Variants in STAM2 observed in about 807,000 individuals in gnomAD.
STAM2 encodes the protein signal transducing adaptor molecule 2.
Under a neutral mutation model 65.6 loss-of-function variants are expected in STAM2, and 51 were observed. The observed-to-expected ratio is 0.78, with a 90% CI of 0.62 to 0.98. The LOEUF (loss-of-function observed/expected upper bound fraction) is 0.98, where lower values mean the gene tolerates loss of function less well. Ranked by LOEUF, STAM2 falls within the 50% of genes least tolerant of loss-of-function variation. The probability of loss-of-function intolerance (pLI) is 0.00; values close to 1 mark genes in which losing one functional copy is unlikely to be tolerated. For synonymous variants in STAM2, 198 were observed against 208.4 expected, an observed-to-expected ratio of 0.95 and a Z score of 0.43; for missense variants, 584 against 617.8, an observed-to-expected ratio of 0.95 and a Z score of 0.58.
At chr2:152,131,085 AAAGAG>A (rs1344019791) in intron 11 of STAM2, among the ~76,000 whole-genome samples, 1 of 152,152 alleles carries the variant, frequency 6.6e-6, no homozygotes, top group Admixed American at 6.5e-5. Flanking sequence ...CAAGAAATGA[AAAGAG>A]AAGGTGTGAT....
At chr2:152,175,113 G>A (rs1402023591) in intron 1 of STAM2, among the ~76,000 whole-genome samples, 1 of 152,164 alleles carries the variant, frequency 6.6e-6, no homozygotes, top group East Asian at 1.9e-4. Context: ...TTGAATGCAT[G>A]AGTAATATAA....
chr2:152,134,724 C>T (rs1689123439), intron 8 of STAM2, among the ~76,000 whole-genome samples: 2 of 152,174 alleles, frequency 1.3e-5, no homozygotes, highest in Admixed American at 6.5e-5. Flanking sequence ...AAGTAGCTAT[C>T]TCACAGAACC....
chr2:152,124,143 C>G (rs1420681067), intron 12 of STAM2: 1 of 522,044 alleles, frequency 1.9e-6, no homozygotes, highest in Admixed American at 3.4e-5. Context: ...TTTGGCTGTT[C>G]TTTTATTTTT....
At chr2:152,143,564 C>T (rs1230772658) in intron 7 of STAM2, among the ~76,000 whole-genome samples, 7 of 152,180 alleles carry the variant, frequency 4.6e-5, no homozygotes, top group Admixed American at 4.6e-4. Context: ...TGAGTATTTA[C>T]ATGTTTCCCA....
chr2:152,131,589 T>C (rs116433124), intron 11 of STAM2: 2,894 of 156,478 alleles, frequency 0.018, 96 homozygotes, highest in African/African-American at 0.066. Flanking sequence ...GTGGAGTTGA[T>C]TAACTCTAGG....
In STAM2 at chr2:152,175,630, T is replaced by C; in HGVS notation, c.13A>G (p.Thr5Ala). Reference sequence around the variant, plus strand: ...ACGTCTTGCTCGAAGGGGTTGGCGGTGAACAAAGGCATCTCGCCGGCGCCC... The same window carrying C: ...ACGTCTTGCTCGAAGGGGTTGGCGGCGAACAAAGGCATCTCGCCGGCGCCC... MPLF[T>A]ANPFEQDVEK... is the part of the protein sequence containing the mutation. The change falls in exon 1 of 14, where the codon ACC (threonine) becomes GCC (alanine). Residue 5 changes from threonine to alanine, a missense_variant. Thr to Ala is a moderately conservative substitution (Grantham distance 58). Transcript: ENST00000263904. The C allele has an allele frequency of 1.9e-6, 3 of 1,613,752 alleles. No homozygotes were observed. The highest frequency in any genetic ancestry group is 2.5e-6 in the Non-Finnish European group (3 of 1,179,886).
In STAM2 at chr2:152,161,056, G is replaced by A. The variant is rs190715472; in HGVS notation, c.41-10827C>T. Among the ~76,000 whole-genome samples the A allele has an allele frequency of 2.0e-5, 3 of 152,352 alleles. No homozygotes were observed. The South Asian group carries it at 6.2e-4, about 32-fold the overall frequency. On this transcript the variant is annotated intron_variant, in intron 1 of 13. Transcript: ENST00000263904. ...CGGTGGCGGTTTTGTGGAATAGAAGGGGGGGAAAGGTGGGGAAAAGATTGA... is the reference window on the plus strand; with the variant it reads ...CGGTGGCGGTTTTGTGGAATAGAAGAGGGGGAAAGGTGGGGAAAAGATTGA...
At chr2:152,151,650 T>C (rs1418095928) in intron 1 of STAM2, among the ~76,000 whole-genome samples, 1 of 152,200 alleles carries the variant, frequency 6.6e-6, no homozygotes. Context: ...TCCATACCCA[T>C]TGGCAGTCAC....
intron 1 of STAM2, among the ~76,000 whole-genome samples, chr2:152,164,341 CTTTT>C (rs1195012082): frequency 2.1e-5 from 3 of 141,822 alleles, no homozygotes; most frequent in Non-Finnish European, 1.6e-5. Flanking sequence ...CCATGATTAA[CTTTT>C]TTTTTTTTTT....
At chr2:152,159,760 G>A (rs1458963792) in intron 1 of STAM2, among the ~76,000 whole-genome samples, 1 of 152,026 alleles carries the variant, frequency 6.6e-6, no homozygotes, top group Non-Finnish European at 1.5e-5. Flanking sequence ...CTCTTTCCAC[G>A]GTCTCCCTCT....
chr2:152,131,931 T>C, intron 11 of STAM2, 183 bp downstream of exon 11: 1 of 562,960 alleles, frequency 1.8e-6, no homozygotes, highest in Non-Finnish European at 3.1e-6. Flanking sequence ...GCTTGTTTTT[T>C]AGAAAAACAA....
At chr2:152,172,046 A>G (rs1388772801) in intron 1 of STAM2, among the ~76,000 whole-genome samples, 2 of 152,176 alleles carry the variant, frequency 1.3e-5, no homozygotes, top group Non-Finnish European at 2.9e-5. Flanking sequence ...ATTCTACAAG[A>G]ATGGCTACTC....
rs1294901625 is a variant in STAM2 at position 152,117,790 on chromosome 2, T to A, written c.*2784A>T. 6.6e-6 allele frequency: 1 copy of A among 152,170 alleles called. No individual in the cohort carries two copies. Among genetic ancestry groups the A allele is most frequent in the Non-Finnish European group, 1.5e-5 (1 of 68,016 alleles). 9.4% of individuals were successfully genotyped at this position (152,170 alleles called of 1,614,324 possible). On this transcript the variant is annotated 3_prime_UTR_variant, in exon 14 of 14. Coordinates refer to ENST00000263904, the MANE Select transcript of STAM2 (RefSeq NM_005843.6). ...TTTAAAACATTTAAAATTGATTTTT[T>A]AAATTTTGAAAGTGAAATTATAACC...
In STAM2 at chr2:152,159,298, T is replaced by C. The variant is rs181656544; in HGVS notation, c.41-9069A>G. Among the ~76,000 whole-genome samples, 1,156 of 149,032 alleles carry C rather than the reference T, an allele frequency of 7.8e-3. 7 individuals carry two copies. Among genetic ancestry groups the C allele is most frequent in the Non-Finnish European group, 0.013 (909 of 67,552 alleles). ...TCCACCCACACCCTGGGTGACAGGGTGAAACACTTGTCTCTAAAACAAAAA... is the reference window on the plus strand; with the variant it reads ...TCCACCCACACCCTGGGTGACAGGGCGAAACACTTGTCTCTAAAACAAAAA... On this transcript the variant is annotated intron_variant, in intron 1 of 13. Transcript: ENST00000263904.
intron 11 of STAM2, among the ~76,000 whole-genome samples, chr2:152,127,760 C>T (rs1688987138): frequency 6.6e-6 from 1 of 152,194 alleles, no homozygotes; most frequent in Admixed American, 6.5e-5. Flanking sequence ...AAAGCATCTT[C>T]AAATTTGCCC....
At chr2:152,166,409 T>C (rs1289508227) in intron 1 of STAM2, among the ~76,000 whole-genome samples, 1 of 152,216 alleles carries the variant, frequency 6.6e-6, no homozygotes, top group African/African-American at 2.4e-5. Context: ...AAGTTTTATT[T>C]TGATATCTGG....
intron 1 of STAM2, among the ~76,000 whole-genome samples, chr2:152,171,372 G>A (rs562979871): frequency 6.6e-6 from 1 of 152,070 alleles, no homozygotes; most frequent in East Asian, 1.9e-4. Flanking sequence ...AAAACTGGCT[G>A]TTAAGTCTAC....
chr2:152,168,486 A>C (rs1689837400), intron 1 of STAM2, among the ~76,000 whole-genome samples: 1 of 152,120 alleles, frequency 6.6e-6, no homozygotes, highest in African/African-American at 2.4e-5. Flanking sequence ...AACACCTCTG[A>C]GGTCCTTTAT....
intron 7 of STAM2, among the ~76,000 whole-genome samples, chr2:152,141,799 C>T (rs1689253404): frequency 6.6e-6 from 1 of 151,942 alleles, no homozygotes; most frequent in East Asian, 2.0e-4. Flanking sequence ...CCATATTGAC[C>T]AGGGTGGTCT....
Sources: allele counts gnomAD v4.1 joint callset (sites outside exome capture counted in the v4.1 genomes callset), GRCh38; gene constraint gnomAD v4.1.1; transcripts MANE v1.5; gene names NCBI Gene and HGNC (gene_info 2026-07-23, HGNC 2026-07-21).